The following MAMDC2 variants were observed in gnomAD, a reference collection of about 807,000 sequenced individuals.
MAMDC2 encodes the protein MAM domain-containing protein 2.
In MAMDC2, 57 loss-of-function variants were observed where a neutral mutation model predicts 89.8. That is an observed-to-expected ratio of 0.63 (90% CI 0.51 to 0.79). The LOEUF is 0.79. Ranked by LOEUF, MAMDC2 falls within the 30% of genes least tolerant of loss-of-function variation. The probability of loss-of-function intolerance (pLI) is 0.00; values close to 1 mark genes in which losing one functional copy is unlikely to be tolerated. For missense variants in MAMDC2, 800 were observed against 820.6 expected (o/e 0.97, Z 0.31); for synonymous variants, 313 against 293.4 (o/e 1.07, Z -0.68).
chr9:70,109,474 G>T, intron 3 of MAMDC2: 1 of 420,076 alleles, frequency 2.4e-6, no homozygotes, highest in Non-Finnish European at 4.2e-6. Flanking sequence ...TCTATCAGAT[G>T]CCTTATTTAC....
chr9:70,186,254 G>A (rs1037249026), intron 11 of MAMDC2, among the ~76,000 whole-genome samples: 9 of 151,746 alleles, frequency 5.9e-5, no homozygotes, highest in Non-Finnish European at 1.0e-4. Context: ...TTTCTTTTGT[G>A]GGAAGTGTTT....
At chr9:70,152,994 A>G (rs2031632103) in intron 9 of MAMDC2, 1 of 152,186 alleles carries the variant, frequency 6.6e-6, no homozygotes, top group African/African-American at 2.4e-5. Context: ...TTTTATAGAC[A>G]ACATCTCTTT....
At chr9:70,203,086 G>T (rs1212894051) in intron 11 of MAMDC2, among the ~76,000 whole-genome samples, 1 of 151,942 alleles carries the variant, frequency 6.6e-6, no homozygotes, top group Non-Finnish European at 1.5e-5. Flanking sequence ...GTGTGAATTT[G>T]ATCCTGTCAT....
At chr9:70,133,901 T>G (rs2030903520) in intron 7 of MAMDC2, among the ~76,000 whole-genome samples, 1 of 152,164 alleles carries the variant, frequency 6.6e-6, no homozygotes, top group Admixed American at 6.5e-5. Flanking sequence ...GGCACTAGCT[T>G]GATGATTGTG....
chr9:70,143,389 T>C (rs1343543118), intron 8 of MAMDC2, among the ~76,000 whole-genome samples, 165 bp from the exon 9 acceptor site: 1 of 152,224 alleles, frequency 6.6e-6, no homozygotes, highest in African/African-American at 2.4e-5. Flanking sequence ...TAGAGGCACA[T>C]GGATATTTTC....
intron 2 of MAMDC2, among the ~76,000 whole-genome samples, chr9:70,071,353 T>G (rs1362847002): frequency 6.6e-6 from 1 of 152,148 alleles, no homozygotes; most frequent in Admixed American, 6.6e-5. Context: ...TTTACTCTAT[T>G]TTTTTTCCAT....
intron 11 of MAMDC2, among the ~76,000 whole-genome samples, chr9:70,195,090 T>TA (rs2032951365): frequency 6.6e-6 from 1 of 152,048 alleles, no homozygotes; most frequent in Non-Finnish European, 1.5e-5. Context: ...ATAAACGTAC[T>TA]AAAAATGGAA....
chr9:70,199,990 A>G (rs2033065524), intron 11 of MAMDC2, among the ~76,000 whole-genome samples: 1 of 152,008 alleles, frequency 6.6e-6, no homozygotes. Context: ...ATTTTCTCCC[A>G]TTTTGTAGGT....
Position 70,113,019 on chromosome 9 carries a change from TC to T in MAMDC2, c.531del (p.Cys178ValfsTer4). 6.2e-7 allele frequency: 1 copy of T among 1,614,170 alleles called. No individual in the cohort carries two copies. Among genetic ancestry groups the T allele is most frequent in the Non-Finnish European group, 8.5e-7 (1 of 1,180,010 alleles). ...GAATGTGACTTTGAAGAAAATCATC[TC>T]TGTGGCTTTGTGAACCGCTGGAATC... The part of the protein sequence containing the change: ...CIECDFEENH[L>X]CGFVNRWNPN... On this transcript the variant is annotated frameshift_variant, in exon 5 of 14. Transcript: ENST00000377182. LOFTEE classifies it high-confidence loss of function.
At chr9:70,106,992 C>G (rs149257756) in intron 2 of MAMDC2, among the ~76,000 whole-genome samples, 202 of 152,234 alleles carry the variant, frequency 1.3e-3, no homozygotes, top group African/African-American at 4.5e-3. Flanking sequence ...AACAAAGAGG[C>G]TTTTCAGATC....
At chr9:70,211,324 C>T (rs1438602291) in intron 11 of MAMDC2, among the ~76,000 whole-genome samples, 1 of 152,158 alleles carries the variant, frequency 6.6e-6, no homozygotes, top group Non-Finnish European at 1.5e-5. Flanking sequence ...TTGTTCATTT[C>T]TTTTCACTCT....
chr9:70,099,591 C>T (rs540854666), intron 2 of MAMDC2, among the ~76,000 whole-genome samples: 1 of 152,156 alleles, frequency 6.6e-6, no homozygotes, highest in East Asian at 1.9e-4. Flanking sequence ...AAAAGACATG[C>T]CCATAGCAGT....
chr9:70,083,552 C>A (rs1400362501), intron 2 of MAMDC2: 1 of 152,072 alleles, frequency 6.6e-6, no homozygotes, highest in African/African-American at 2.4e-5. Context: ...CAATAAGTCA[C>A]ATGTCAGAAG....
At chr9:70,111,428 T>C (rs958192182) in intron 4 of MAMDC2, among the ~76,000 whole-genome samples, 1 of 152,232 alleles carries the variant, frequency 6.6e-6, no homozygotes, top group African/African-American at 2.4e-5. Context: ...CTTCTTTCTT[T>C]CTGGGTACTT....
At chr9:70,179,110 G>A (rs912706179) in intron 11 of MAMDC2, among the ~76,000 whole-genome samples, 4 of 151,952 alleles carry the variant, frequency 2.6e-5, no homozygotes, top group African/African-American at 9.7e-5. Flanking sequence ...TGGTTAAGAC[G>A]TTATTGTAAA....
chr9:70,213,576 A>G (rs2033395791), intron 11 of MAMDC2, among the ~76,000 whole-genome samples: 1 of 152,184 alleles, frequency 6.6e-6, no homozygotes, highest in African/African-American at 2.4e-5. Flanking sequence ...GGAATTAAAC[A>G]CACCCTTCTG....
At chr9:70,074,870 A>T (rs890738878) in intron 2 of MAMDC2, among the ~76,000 whole-genome samples, 2 of 152,146 alleles carry the variant, frequency 1.3e-5, no homozygotes, top group African/African-American at 4.8e-5. Flanking sequence ...TTTTGCATGG[A>T]TCCCTTGAAT....
intron 11 of MAMDC2, among the ~76,000 whole-genome samples, chr9:70,210,289 T>A (rs956222209): frequency 7.0e-4 from 5 of 7,150 alleles, no homozygotes; most frequent in African/African-American, 1.7e-3. Flanking sequence ...TGTAGGTCTC[T>A]AAGGACTTGC....
chr9:70,204,670 C>A (rs368964370), intron 11 of MAMDC2, among the ~76,000 whole-genome samples: 6,987 of 151,610 alleles, frequency 0.046, 158 homozygotes, highest in South Asian at 0.071. Context: ...TGGCGCCTTG[C>A]AGTTTGATCT....
Sources: gnomAD v4.1 joint callset for allele counts (sites outside exome capture counted in the v4.1 genomes callset) on GRCh38, gnomAD v4.1.1 for gene constraint, MANE v1.5 for transcripts, NCBI Gene and HGNC (gene_info 2026-07-23, HGNC 2026-07-21) for gene names.